Variants in GRM5 observed in about 807,000 individuals in gnomAD.
The protein encoded by GRM5 is glutamate metabotropic receptor 5.
Under a neutral mutation model 83.1 loss-of-function variants are expected in GRM5, and 19 were observed. That is an observed-to-expected ratio of 0.23 (90% confidence interval 0.16 to 0.34). The LOEUF (loss-of-function observed/expected upper bound fraction) is 0.34, where lower values mean the gene tolerates loss of function less well. Ranked by LOEUF, GRM5 falls within the 10% of genes least tolerant of loss-of-function variation. The pLI is 1.00. For synonymous variants in GRM5, 675 were observed against 633.6 expected, an observed-to-expected ratio of 1.07 and a Z score of -0.98; for missense variants, 1,160 against 1,588.3, an observed-to-expected ratio of 0.73 and a Z score of 4.58.
chr11:88,931,962 G>T (rs1263074972), intron 2 of GRM5, among the ~76,000 whole-genome samples: 1 of 152,100 alleles, frequency 6.6e-6, no homozygotes. Context: ...TTAGGAGAAA[G>T]AGTAGCAATT....
chr11:88,730,800 T>G (rs543269115), intron 3 of GRM5, among the ~76,000 whole-genome samples: 19 of 152,156 alleles, frequency 1.2e-4, no homozygotes, highest in African/African-American at 4.6e-4. Context: ...TTCTCACTTA[T>G]AAGTGGAAGT....
Position 88,850,216 on chromosome 11 carries a change from A to C in GRM5, c.662-61T>G, listed in dbSNP as rs934346184. The C allele has an allele frequency of 7.7e-5, 55 of 716,728 alleles. No homozygotes were observed. In the African/African-American group the frequency reaches 9.4e-4, roughly 12 times the overall value. 44.4% of individuals were successfully genotyped at this position (716,728 alleles called of 1,614,324 possible). On this transcript the variant is annotated intron_variant, in intron 2 of 9. Transcript: ENST00000305447. Reference sequence around the variant, plus strand: ...AATGAGAGTGTTGCATTAATTGGGTATAATCAGAATGCAGGTGTTAGGAGC... The same window carrying C: ...AATGAGAGTGTTGCATTAATTGGGTCTAATCAGAATGCAGGTGTTAGGAGC...
At chr11:88,682,334 T>G (rs1940517057) in intron 3 of GRM5, among the ~76,000 whole-genome samples, 1 of 152,156 alleles carries the variant, frequency 6.6e-6, no homozygotes. Context: ...CATGCAACTT[T>G]CTTGTGAATA....
At chr11:88,660,968 C>T (rs1939889398) in intron 3 of GRM5, among the ~76,000 whole-genome samples, 1 of 152,176 alleles carries the variant, frequency 6.6e-6, no homozygotes. Flanking sequence ...AATACAGTGA[C>T]ATTCATTGCT....
intron 3 of GRM5, among the ~76,000 whole-genome samples, chr11:88,792,831 T>C (rs12787064): frequency 6.6e-6 from 1 of 152,162 alleles, no homozygotes; most frequent in Non-Finnish European, 1.5e-5. Context: ...TGTATTTACA[T>C]ACGCTTAGAA....
intron 1 of GRM5, among the ~76,000 whole-genome samples, chr11:89,050,726 G>A (rs1941739533): frequency 6.6e-6 from 1 of 152,138 alleles, no homozygotes; most frequent in Non-Finnish European, 1.5e-5. Flanking sequence ...ATCAGTGATA[G>A]ACTGGATAAA....
intron 2 of GRM5, among the ~76,000 whole-genome samples, chr11:88,904,420 G>A (rs1314064723): frequency 6.6e-6 from 1 of 152,088 alleles, no homozygotes; most frequent in Non-Finnish European, 1.5e-5. Context: ...CTTCCAATGG[G>A]TGACAGCAAA....
At chr11:88,959,192 A>C (rs1436877386) in intron 2 of GRM5, among the ~76,000 whole-genome samples, 1 of 152,112 alleles carries the variant, frequency 6.6e-6, no homozygotes, top group African/African-American at 2.4e-5. Flanking sequence ...CTTCAGGAAA[A>C]TGTCAATTGG....
chr11:88,751,181 T>C (rs918426187), intron 3 of GRM5, among the ~76,000 whole-genome samples: 4 of 150,410 alleles, frequency 2.7e-5, no homozygotes, highest in Non-Finnish European at 5.9e-5. Flanking sequence ...GCTGTTCTTT[T>C]GAAAAAATTA....
At chr11:88,571,345 A>T (rs975038860) in intron 7 of GRM5, among the ~76,000 whole-genome samples, 7 of 152,204 alleles carry the variant, frequency 4.6e-5, no homozygotes, top group Admixed American at 4.6e-4. Context: ...TTATATATTA[A>T]ATGAATGCTT....
intron 8 of GRM5, among the ~76,000 whole-genome samples, chr11:88,548,020 G>A (rs562998372): frequency 1.3e-5 from 2 of 152,268 alleles, no homozygotes; most frequent in African/African-American, 4.8e-5. Flanking sequence ...GGACATAGAA[G>A]GTGAGACCAA....
intron 2 of GRM5, among the ~76,000 whole-genome samples, chr11:88,985,938 G>T (rs1312739038): frequency 6.6e-6 from 1 of 151,966 alleles, no homozygotes; most frequent in Non-Finnish European, 1.5e-5. Flanking sequence ...TCCAACTCTG[G>T]AAAACATTTT....
chr11:88,683,866 C>T (rs1305362154), intron 3 of GRM5, among the ~76,000 whole-genome samples: 3 of 152,132 alleles, frequency 2.0e-5, no homozygotes, highest in Admixed American at 2.0e-4. Context: ...AACAAATACA[C>T]ACATACTCAT....
chr11:89,035,127 A>G (rs1185154294), intron 2 of GRM5, among the ~76,000 whole-genome samples: 2 of 151,744 alleles, frequency 1.3e-5, no homozygotes, highest in African/African-American at 4.8e-5. Flanking sequence ...TTTATTACAA[A>G]TAATATAACC....
At chr11:88,649,399 T>G (rs1435322874) in intron 4 of GRM5, among the ~76,000 whole-genome samples, 1 of 142,544 alleles carries the variant, frequency 7.0e-6, no homozygotes, top group Non-Finnish European at 1.5e-5. Flanking sequence ...ATATTATATA[T>G]TGCATATATT....
rs574179966 is a variant in GRM5, at chr11:88,539,626, T to C, written c.2631-14222A>G. 8.5e-5 allele frequency among the ~76,000 whole-genome samples: 13 copies of C among 152,300 alleles called. No individual in the cohort carries two copies. In the South Asian group the frequency reaches 2.5e-3, roughly 29 times the overall value. On this transcript the variant is annotated intron_variant, in intron 8 of 9. Transcript: ENST00000305447. ...CACACACCCCCTAATACTTATGAAA[T>C]AGTGCTTCCTCATACGAGACATAAC...
intron 1 of GRM5, among the ~76,000 whole-genome samples, chr11:89,065,175 G>T (rs1465224869): frequency 6.6e-6 from 1 of 151,150 alleles, no homozygotes; most frequent in African/African-American, 2.4e-5. Flanking sequence ...CCTCTTTTTG[G>T]GGTGAAGCAC....
At chr11:88,836,076 T>C (rs1166178778) in intron 3 of GRM5, among the ~76,000 whole-genome samples, 1 of 152,172 alleles carries the variant, frequency 6.6e-6, no homozygotes, top group Non-Finnish European at 1.5e-5. Flanking sequence ...GTGCAAACCA[T>C]GACTACTTTT....
intron 2 of GRM5, chr11:88,911,984 A>G (rs558342288): frequency 2.1e-6 from 1 of 466,436 alleles, no homozygotes; most frequent in African/African-American, 2.0e-5. Flanking sequence ...ATATACAACC[A>G]GTAAAAATAA....
Sources: allele counts gnomAD v4.1 joint callset (sites outside exome capture counted in the v4.1 genomes callset), GRCh38; gene constraint gnomAD v4.1.1; transcripts MANE v1.5; gene names NCBI Gene and HGNC (gene_info 2026-07-23, HGNC 2026-07-21).